Variants in DLGAP2 observed in about 807,000 individuals in gnomAD.
DLGAP2 encodes disks large-associated protein 2.
Under a neutral mutation model 100.3 loss-of-function variants are expected in DLGAP2, and 26 were observed. That is an observed-to-expected ratio of 0.26 (90% confidence interval 0.19 to 0.36). The LOEUF (loss-of-function observed/expected upper bound fraction) is 0.36, where lower values mean the gene tolerates loss of function less well. DLGAP2 is among the 10% of genes least tolerant of loss of function. DLGAP2 has a pLI of 1.00. For missense variants in DLGAP2, 1,858 were observed against 1,453.2 expected (o/e 1.28, Z -4.53); for synonymous variants, 886 against 630.1 (o/e 1.41, Z -6.08).
In DLGAP2 at chr8:921,892, C is replaced by T. The variant is rs181731817; in HGVS notation, c.73+13926C>T. 2.0e-5 allele frequency among the ~76,000 whole-genome samples: 3 copies of T among 152,280 alleles called. No individual in the cohort carries two copies. The East Asian group carries it at 5.8e-4, about 29-fold the overall frequency. ...AGAACGTGCATCTTCCAGTGGACGG[C>T]GAGACGTTCGGGCAGAAGAACTGGA... On this transcript the variant is annotated intron_variant, in intron 2 of 14. Coordinates refer to ENST00000637795, the MANE Select transcript of DLGAP2 (RefSeq NM_001346810.2).
At chr8:1,566,981 A>ATCTCC (rs1802429617) in intron 6 of DLGAP2, among the ~76,000 whole-genome samples, 1 of 152,174 alleles carries the variant, frequency 6.6e-6, no homozygotes, top group African/African-American at 2.4e-5. Flanking sequence ...AGGCCCATCC[A>ATCTCC]TCTCCTCTCC....
At chr8:1,154,556 C>T (rs1161414785) in intron 2 of DLGAP2, among the ~76,000 whole-genome samples, 1 of 152,202 alleles carries the variant, frequency 6.6e-6, no homozygotes, top group African/African-American at 2.4e-5. Context: ...CATTTATTTT[C>T]TGCTAAGTTT....
chr8:1,663,667 G>C (rs1480373414), intron 8 of DLGAP2, among the ~76,000 whole-genome samples: 2 of 152,168 alleles, frequency 1.3e-5, no homozygotes, highest in East Asian at 1.9e-4. Context: ...TCACAGGGGA[G>C]GTTTGGTCTG....
chr8:866,772 G>A lies in DLGAP2; in HGVS notation c.19-41140G>A, dbSNP rs183070620. Reference sequence around the variant, plus strand: ...TAAATATTCCTTTCTAGAATCGACCGTTTCTCCCTTTCTATGACTCAGACT... The same window carrying A: ...TAAATATTCCTTTCTAGAATCGACCATTTCTCCCTTTCTATGACTCAGACT... On this transcript the variant is annotated intron_variant, in intron 1 of 14. Transcript: ENST00000637795. Among the ~76,000 whole-genome samples, 19 of 152,300 alleles carry A rather than the reference G, an allele frequency of 1.2e-4. No individual in the cohort carries two copies. In the East Asian group the frequency reaches 3.5e-3, roughly 28 times the overall value.
intron 2 of DLGAP2, among the ~76,000 whole-genome samples, chr8:1,072,228 A>G (rs760179644): frequency 6.6e-6 from 1 of 152,098 alleles, no homozygotes; most frequent in Non-Finnish European, 1.5e-5. Context: ...GAGCCTCCTG[A>G]TTGATGGTGT....
intron 2 of DLGAP2, chr8:927,153 G>A (rs1424580518): frequency 3.0e-6 from 3 of 985,334 alleles, no homozygotes; most frequent in East Asian, 2.3e-4. Flanking sequence ...AGGTGAAGCT[G>A]GTGATGATGT....
intron 3 of DLGAP2, among the ~76,000 whole-genome samples, chr8:1,415,965 AT>A (rs1563132939): frequency 6.6e-6 from 1 of 152,204 alleles, no homozygotes; most frequent in Non-Finnish European, 1.5e-5. Flanking sequence ...CTAAAAGAAT[AT>A]TTTTTAACAT....
intron 2 of DLGAP2, among the ~76,000 whole-genome samples, chr8:1,160,591 A>G (rs1458212237): frequency 6.6e-6 from 1 of 152,174 alleles, no homozygotes; most frequent in African/African-American, 2.4e-5. Flanking sequence ...GGGAGTAGCA[A>G]CTTAGTTCTA....
At chr8:1,534,181 C>A (rs536806266) in intron 4 of DLGAP2, among the ~76,000 whole-genome samples, 1 of 152,232 alleles carries the variant, frequency 6.6e-6, no homozygotes, top group East Asian at 1.9e-4. Flanking sequence ...AATTAAGGAG[C>A]CCCTGATCTT....
At chr8:1,689,206 G>T (rs1176752886) in intron 12 of DLGAP2, among the ~76,000 whole-genome samples, 3 of 152,218 alleles carry the variant, frequency 2.0e-5, no homozygotes, top group Non-Finnish European at 2.9e-5. Flanking sequence ...TGTGCCCTGG[G>T]AGCCAGCAGG....
Position 852,799 on chromosome 8 carries a change from C to G in DLGAP2, c.19-55113C>G, listed in dbSNP as rs115875786. On this transcript the variant is annotated intron_variant, in intron 1 of 14. Coordinates refer to ENST00000637795, the MANE Select transcript of DLGAP2 (RefSeq NM_001346810.2). The stretch of plus-strand genomic sequence containing the variant: ...GAAATCTAAGTAGCACAGTTTCATT[C>G]TGAATGACAACGTCCTTGATGTAGA... Among the ~76,000 whole-genome samples, 343 of 152,324 alleles carry G rather than the reference C, an allele frequency of 2.3e-3. 1 individual carries two copies. Among genetic ancestry groups the G allele is most frequent in the African/African-American group, 7.8e-3 (323 of 41,578 alleles).
At chr8:1,483,418 C>T (rs1799152353) in intron 3 of DLGAP2, among the ~76,000 whole-genome samples, 1 of 152,094 alleles carries the variant, frequency 6.6e-6, no homozygotes, top group Non-Finnish European at 1.5e-5. Flanking sequence ...GCTTGACGGA[C>T]CCAGAAGCTG....
chr8:1,227,848 A>T (rs914178680), intron 2 of DLGAP2, among the ~76,000 whole-genome samples: 3 of 152,222 alleles, frequency 2.0e-5, no homozygotes, highest in African/African-American at 7.2e-5. Flanking sequence ...ATTATAGCTA[A>T]TAAAATTGAA....
At chr8:1,146,918 C>G (rs746009756) in intron 2 of DLGAP2, among the ~76,000 whole-genome samples, 2 of 152,210 alleles carry the variant, frequency 1.3e-5, no homozygotes, top group African/African-American at 2.4e-5. Flanking sequence ...ATTGCCGGAT[C>G]TTGCTTTTCT....
intron 2 of DLGAP2, among the ~76,000 whole-genome samples, chr8:911,592 T>C (rs981882006): frequency 2.0e-5 from 3 of 151,864 alleles, no homozygotes; most frequent in Non-Finnish European, 4.4e-5. Flanking sequence ...ATAATGTATG[T>C]TGGAAGGATG....
At chr8:917,836 C>T (rs113509444) in intron 2 of DLGAP2, among the ~76,000 whole-genome samples, 11,262 of 152,200 alleles carry the variant, frequency 0.074, 586 homozygotes, top group Non-Finnish European at 0.1. Context: ...GCCTCGGCCT[C>T]CTAGAGTGCT....
chr8:1,497,569 C>T (rs557728539), intron 3 of DLGAP2, among the ~76,000 whole-genome samples: 3 of 152,212 alleles, frequency 2.0e-5, no homozygotes, highest in Non-Finnish European at 4.4e-5. Flanking sequence ...TTCCTTGTCT[C>T]TTTAAGCATA....
At chr8:1,488,602 ACACGC>A (rs1231513524) in intron 3 of DLGAP2, among the ~76,000 whole-genome samples, 1 of 152,148 alleles carries the variant, frequency 6.6e-6, no homozygotes, top group Non-Finnish European at 1.5e-5. Flanking sequence ...GTAAATGCTG[ACACGC>A]CACACAGGAG....
At chr8:1,076,367 G>T (rs534181436) in intron 2 of DLGAP2, among the ~76,000 whole-genome samples, 1 of 152,360 alleles carries the variant, frequency 6.6e-6, no homozygotes, top group East Asian at 1.9e-4. Context: ...GCAGTGAGTC[G>T]CAGCTCCCCG....
Sources: gnomAD v4.1 joint callset for allele counts (sites outside exome capture counted in the v4.1 genomes callset) on GRCh38, gnomAD v4.1.1 for gene constraint, MANE v1.5 for transcripts, NCBI Gene and HGNC (gene_info 2026-07-23, HGNC 2026-07-21) for gene names.